UBE2H: variants seen among roughly 807,000 people sequenced by gnomAD.
The protein encoded by UBE2H is ubiquitin-conjugating enzyme E2 H.
In UBE2H, 3 loss-of-function variants were observed where a neutral mutation model predicts 29.0. That is an observed-to-expected ratio of 0.10 (90% CI 0.05 to 0.27). The LOEUF (loss-of-function observed/expected upper bound fraction) is 0.27. UBE2H is among the 10% of genes least tolerant of loss of function. The pLI, the probability that UBE2H is intolerant of heterozygous loss-of-function variation, is 1.00. For synonymous variants in UBE2H, 69 were observed against 82.9 expected, an observed-to-expected ratio of 0.83 and a Z score of 0.91; for missense variants, 68 against 228.2, an observed-to-expected ratio of 0.30 and a Z score of 4.52.
chr7:129,952,156 G>C (rs572705250), intron 1 of UBE2H, among the ~76,000 whole-genome samples: 118 of 152,014 alleles, frequency 7.8e-4, no homozygotes, highest in African/African-American at 2.8e-3. Context: ...ACAGGAGAGA[G>C]AAACCCTGAA....
chr7:129,870,603 C>G (rs1806009219), intron 3 of UBE2H, among the ~76,000 whole-genome samples: 1 of 152,168 alleles, frequency 6.6e-6, no homozygotes. Context: ...ATGTCTAGAA[C>G]AAAGTTTCTT....
intron 1 of UBE2H, among the ~76,000 whole-genome samples, chr7:129,909,198 A>AAAG (rs1806879960): frequency 6.6e-6 from 1 of 152,218 alleles, no homozygotes; most frequent in Admixed American, 6.5e-5. Flanking sequence ...AGAACTATGT[A>AAAG]ATATAAGGAG....
chr7:129,845,520 C>T (rs984278699), intron 5 of UBE2H, among the ~76,000 whole-genome samples: 4 of 152,194 alleles, frequency 2.6e-5, no homozygotes, highest in African/African-American at 9.7e-5. Context: ...ACTGCTGTTA[C>T]CACTGTTATC....
At chr7:129,887,532 A>T (rs545989569) in intron 1 of UBE2H, among the ~76,000 whole-genome samples, 57 of 152,230 alleles carry the variant, frequency 3.7e-4, no homozygotes, top group African/African-American at 1.3e-3. Flanking sequence ...AGGTGATACT[A>T]TTAATGAGGC....
chr7:129,874,459 G>A (rs541638318), intron 3 of UBE2H, among the ~76,000 whole-genome samples: 57 of 151,884 alleles, frequency 3.8e-4, no homozygotes, highest in African/African-American at 1.2e-3. Context: ...ACAGGTGCCC[G>A]CCACCACGCC....
chr7:129,902,656 G>A (rs1358767980), intron 1 of UBE2H, among the ~76,000 whole-genome samples: 2 of 152,166 alleles, frequency 1.3e-5, no homozygotes, highest in Non-Finnish European at 2.9e-5. Context: ...GAGCTTGTTA[G>A]AAATGAACAC....
intron 5 of UBE2H, among the ~76,000 whole-genome samples, chr7:129,849,149 T>C (rs1805563957): frequency 9.7e-6 from 1 of 103,004 alleles, no homozygotes; most frequent in Non-Finnish European, 2.2e-5. Flanking sequence ...AGTTGTTATT[T>C]TTGAAAAAAA....
intron 1 of UBE2H, among the ~76,000 whole-genome samples, chr7:129,940,896 G>T (rs1807628072): frequency 2.0e-5 from 3 of 152,190 alleles, no homozygotes; most frequent in Admixed American, 6.5e-5. Flanking sequence ...ACAGACTACT[G>T]TGTTTTCAAA....
At chr7:129,871,713 C>CAAAAAAA (rs369901584) in intron 3 of UBE2H, among the ~76,000 whole-genome samples, 41 of 124,404 alleles carry the variant, frequency 3.3e-4, no homozygotes, top group African/African-American at 1.1e-3. Flanking sequence ...GACTCTGTAT[C>CAAAAAAA]AAAAAAAAAA....
intron 5 of UBE2H, among the ~76,000 whole-genome samples, chr7:129,855,635 G>T (rs560878118): frequency 3.9e-5 from 6 of 151,950 alleles, no homozygotes; most frequent in Non-Finnish European, 7.4e-5. Context: ...CGTGTGTATA[G>T]AGAGAGAGAG....
intron 3 of UBE2H, among the ~76,000 whole-genome samples, chr7:129,871,516 A>C (rs2116348668): frequency 6.6e-6 from 1 of 152,244 alleles, no homozygotes; most frequent in Non-Finnish European, 1.5e-5. Flanking sequence ...GGAGTTCGAC[A>C]CCAGCCTGGG....
At chr7:129,902,552 C>T (rs1363097784) in intron 1 of UBE2H, among the ~76,000 whole-genome samples, 1 of 152,154 alleles carries the variant, frequency 6.6e-6, no homozygotes, top group Admixed American at 6.5e-5. Context: ...CTCCATGGGA[C>T]GGGGGAAGGC....
chr7:129,933,666 C>G (rs748947042), intron 1 of UBE2H, among the ~76,000 whole-genome samples: 4 of 152,220 alleles, frequency 2.6e-5, no homozygotes, highest in East Asian at 1.9e-4. Context: ...AATTCCCCAT[C>G]ATTGGAGGAA....
chr7:129,942,841 G>T (rs78740699), intron 1 of UBE2H, among the ~76,000 whole-genome samples: 7,218 of 146,544 alleles, frequency 0.049, 192 homozygotes, highest in South Asian at 0.13. Flanking sequence ...AGTGTAATGT[G>T]TTTTTTTTTT....
intron 1 of UBE2H, among the ~76,000 whole-genome samples, chr7:129,904,367 G>A (rs1039059063): frequency 2.6e-5 from 4 of 151,768 alleles, no homozygotes; most frequent in African/African-American, 9.7e-5. Context: ...CGATCCTCTT[G>A]CCTTGGCCTT....
rs372552075 is a variant in UBE2H at position 129,931,836 on chromosome 7, CT to C, written c.53+20666del. ...TATTAAAATCCACTGTTCTACTTTG[CT>C]TTTTTTTTTTTTTTTTGAGACGGAG... is the stretch of plus-strand genomic sequence containing the variant. On this transcript the variant is annotated intron_variant, in intron 1 of 6. Coordinates refer to ENST00000355621, the MANE Select transcript of UBE2H (RefSeq NM_003344.4). Among the ~76,000 whole-genome samples the C allele has an allele frequency of 7.6e-3, 1,000 of 131,254 alleles. 3 individuals are homozygous for C. Among genetic ancestry groups the C allele is most frequent in the South Asian group, 0.016 (64 of 4,076 alleles). 86.1% of individuals were successfully genotyped at this position (131,254 alleles called of 152,430 possible).
chr7:129,912,751 T>C (rs1252341391), intron 1 of UBE2H, among the ~76,000 whole-genome samples: 1 of 152,218 alleles, frequency 6.6e-6, no homozygotes, highest in Non-Finnish European at 1.5e-5. Flanking sequence ...ACTCATACTT[T>C]ACTCAACGGC....
At chr7:129,909,277 G>A (rs1034285104) in intron 1 of UBE2H, among the ~76,000 whole-genome samples, 3 of 152,154 alleles carry the variant, frequency 2.0e-5, no homozygotes, top group Middle Eastern at 3.2e-3. Context: ...AGAATCACCA[G>A]GAGAGTGACA....
chr7:129,853,873 A>G (rs1584745176), intron 5 of UBE2H, among the ~76,000 whole-genome samples: 1 of 152,212 alleles, frequency 6.6e-6, no homozygotes, highest in Admixed American at 6.5e-5. Context: ...GTATACCCAC[A>G]GAACAGTACA....
Sources: gnomAD v4.1 joint callset for allele counts (sites outside exome capture counted in the v4.1 genomes callset) on GRCh38, gnomAD v4.1.1 for gene constraint, MANE v1.5 for transcripts, NCBI Gene and HGNC (gene_info 2026-07-23, HGNC 2026-07-21) for gene names.